The following TEAD1 variants were observed in gnomAD, a reference collection of about 807,000 sequenced individuals.
TEAD1 encodes transcriptional enhancer factor TEF-1.
A neutral mutation model predicts 54.9 loss-of-function variants in TEAD1; 9 were observed. That is an observed-to-expected ratio of 0.16 (90% confidence interval 0.10 to 0.29). The LOEUF (loss-of-function observed/expected upper bound fraction) is 0.29, where lower values mean the gene tolerates loss of function less well. Among genes scored for constraint, TEAD1 ranks in the 10% least tolerant of loss-of-function variants. The probability of loss-of-function intolerance (pLI) is 1.00; values close to 1 mark genes in which losing one functional copy is unlikely to be tolerated. For synonymous variants in TEAD1, 200 were observed against 187.8 expected (o/e 1.07, Z -0.53); for missense variants, 387 against 535.9 (o/e 0.72, Z 2.74).
chr11:12,839,044 A>G (rs971600113), intron 3 of TEAD1, among the ~76,000 whole-genome samples: 2 of 152,182 alleles, frequency 1.3e-5, no homozygotes, highest in African/African-American at 4.8e-5. Flanking sequence ...ATTGTTTTTC[A>G]TAGACTTGGG....
At chr11:12,683,165 T>C (rs1356980926) in intron 2 of TEAD1, among the ~76,000 whole-genome samples, 1 of 152,206 alleles carries the variant, frequency 6.6e-6, no homozygotes, top group Non-Finnish European at 1.5e-5. Flanking sequence ...GGCATAAGAT[T>C]GATAGAGAGT....
At position 12,941,661 on chromosome 11, in the gene TEAD1, T is replaced by C. The variant is rs1949163709; in HGVS notation, c.*4439T>C. The C allele has an allele frequency of 1.3e-5, 2 of 152,652 alleles. No homozygotes were observed. Among genetic ancestry groups the C allele is most frequent in the South Asian group, 4.1e-4 (2 of 4,832 alleles). 9.5% of individuals were successfully genotyped at this position (152,652 alleles called of 1,614,324 possible). A position where few individuals can be genotyped will look rare whatever the true frequency, so the allele number is the denominator to read the frequency against. ...GTAACATTAGGAGGATATGTCTGCA[T>C]TGCTTATTTCTTTATGTTGGTGTTT... On this transcript the variant is annotated 3_prime_UTR_variant, in exon 13 of 13. Coordinates refer to ENST00000527636, the MANE Select transcript of TEAD1 (RefSeq NM_021961.6).
intron 3 of TEAD1, among the ~76,000 whole-genome samples, chr11:12,809,319 G>A (rs1946243031): frequency 2.0e-5 from 3 of 152,164 alleles, no homozygotes; most frequent in African/African-American, 7.2e-5. Flanking sequence ...CAGTGATAGA[G>A]CCTTTATTTC....
chr11:12,854,827 C>A (rs1039543812), intron 3 of TEAD1, among the ~76,000 whole-genome samples: 1 of 150,384 alleles, frequency 6.6e-6, no homozygotes, highest in African/African-American at 2.5e-5. Context: ...AACTCCTGGG[C>A]TCAAGTTATC....
chr11:12,696,383 C>CT (rs1943583670), intron 2 of TEAD1, among the ~76,000 whole-genome samples: 1 of 152,212 alleles, frequency 6.6e-6, no homozygotes, highest in African/African-American at 2.4e-5. Flanking sequence ...GATGCTCACA[C>CT]TGTAGTTCAG....
At chr11:12,788,418 C>T (rs1226294049) in intron 3 of TEAD1, among the ~76,000 whole-genome samples, 1 of 152,118 alleles carries the variant, frequency 6.6e-6, no homozygotes, top group Non-Finnish European at 1.5e-5. Context: ...AGGCATGAGC[C>T]ACCGTGCCTG....
intron 3 of TEAD1, among the ~76,000 whole-genome samples, chr11:12,839,030 G>C (rs1215572702): frequency 1.3e-5 from 2 of 152,054 alleles, no homozygotes; most frequent in African/African-American, 2.4e-5. Context: ...ACAGAACTCT[G>C]AGCATTGTTT....
chr11:12,724,575 G>A (rs186811927), intron 2 of TEAD1, among the ~76,000 whole-genome samples: 6 of 152,350 alleles, frequency 3.9e-5, no homozygotes, highest in Non-Finnish European at 8.8e-5. Context: ...ATCATAAAAT[G>A]CGCGTGCACA....
At chr11:12,754,079 C>T (rs919138238) in intron 2 of TEAD1, among the ~76,000 whole-genome samples, 3 of 152,128 alleles carry the variant, frequency 2.0e-5, no homozygotes, top group African/African-American at 7.2e-5. Context: ...TAATCTGATT[C>T]CTTGGCCTAT....
intron 10 of TEAD1, among the ~76,000 whole-genome samples, chr11:12,905,653 A>T (rs1948505469): frequency 6.6e-6 from 1 of 152,186 alleles, no homozygotes; most frequent in Non-Finnish European, 1.5e-5. Context: ...AGTAGGTTTA[A>T]CACTCCCTTC....
At chr11:12,774,689 C>G (rs1433871050) in intron 3 of TEAD1, among the ~76,000 whole-genome samples, 1 of 152,156 alleles carries the variant, frequency 6.6e-6, no homozygotes, top group African/African-American at 2.4e-5. Flanking sequence ...TTCTTTCTAC[C>G]TCTCAGCAAT....
At chr11:12,810,271 G>T (rs748934188) in intron 3 of TEAD1, among the ~76,000 whole-genome samples, 8 of 152,028 alleles carry the variant, frequency 5.3e-5, no homozygotes, top group Admixed American at 4.6e-4. Context: ...GAGCCACTGC[G>T]CCCTTCCTCT....
At chr11:12,797,972 C>A (rs896853937) in intron 3 of TEAD1, among the ~76,000 whole-genome samples, 32 of 152,142 alleles carry the variant, frequency 2.1e-4, no homozygotes, top group Admixed American at 6.5e-4. Context: ...CTCTTAATTG[C>A]CTGATACCTG....
intron 11 of TEAD1, among the ~76,000 whole-genome samples, chr11:12,926,778 G>C (rs1434624351): frequency 1.3e-5 from 2 of 152,084 alleles, no homozygotes; most frequent in African/African-American, 4.8e-5. Context: ...AAAATGAGTG[G>C]GGAGGGCGGG....
At chr11:12,677,012 A>T (rs1361172428) in intron 2 of TEAD1, among the ~76,000 whole-genome samples, 1 of 152,170 alleles carries the variant, frequency 6.6e-6, no homozygotes, top group Non-Finnish European at 1.5e-5. Context: ...AGCTTGAAAC[A>T]AAACCAGTAT....
At chr11:12,687,080 G>A (rs1590051964) in intron 2 of TEAD1, among the ~76,000 whole-genome samples, 1 of 152,208 alleles carries the variant, frequency 6.6e-6, no homozygotes, top group South Asian at 2.1e-4. Context: ...GGAAGTCCTG[G>A]TTGGGAATCC....
intron 3 of TEAD1, among the ~76,000 whole-genome samples, chr11:12,813,200 G>T (rs953467784): frequency 9.9e-5 from 15 of 152,178 alleles, no homozygotes; most frequent in Non-Finnish European, 1.6e-4. Flanking sequence ...CTCCCTGGGA[G>T]CCCTGGAAGC....
intron 2 of TEAD1, among the ~76,000 whole-genome samples, chr11:12,761,090 A>G (rs971701522): frequency 5.9e-5 from 9 of 152,230 alleles, no homozygotes; most frequent in Non-Finnish European, 1.2e-4. Context: ...TTTCCTTTGC[A>G]GTAAACGAAT....
intron 3 of TEAD1, among the ~76,000 whole-genome samples, chr11:12,784,260 C>G (rs1250548591): frequency 6.6e-6 from 1 of 152,118 alleles, no homozygotes; most frequent in Non-Finnish European, 1.5e-5. Flanking sequence ...AGTTGTACAG[C>G]AGGGGAGACA....
Sources: gnomAD v4.1 joint callset for allele counts (sites outside exome capture counted in the v4.1 genomes callset) on GRCh38, gnomAD v4.1.1 for gene constraint, MANE v1.5 for transcripts, NCBI Gene and HGNC (gene_info 2026-07-23, HGNC 2026-07-21) for gene names.